Variants in SEC63 observed in about 807,000 individuals in gnomAD.
SEC63 encodes the protein SEC63 protein translocation regulator.
Under a neutral mutation model 116.2 loss-of-function variants are expected in SEC63, and 56 were observed. The ratio of observed to expected loss-of-function variants is 0.48; its 90% CI spans 0.39 to 0.60. The LOEUF is 0.60. SEC63 is among the 20% of genes least tolerant of loss of function. The pLI is 0.00. For missense variants in SEC63, 668 were observed against 900.0 expected (o/e 0.74, Z 3.30); for synonymous variants, 273 against 294.6 (o/e 0.93, Z 0.75).
chr6:107,882,006 C>A (rs1231548040), intron 17 of SEC63, among the ~76,000 whole-genome samples: 9 of 152,172 alleles, frequency 5.9e-5, no homozygotes, highest in African/African-American at 2.2e-4. Context: ...TATGTCAATT[C>A]TTTCTCAAAG....
intron 2 of SEC63, among the ~76,000 whole-genome samples, chr6:107,925,560 T>C (rs1787656277): frequency 6.6e-6 from 1 of 152,160 alleles, no homozygotes; most frequent in South Asian, 2.1e-4. Flanking sequence ...CATTTGAAAA[T>C]AAACTAATTT....
intron 1 of SEC63, among the ~76,000 whole-genome samples, 187 bp from the exon 2 acceptor site, chr6:107,929,701 A>G (rs925791587): frequency 6.6e-6 from 1 of 152,218 alleles, no homozygotes; most frequent in Non-Finnish European, 1.5e-5. Flanking sequence ...TAGAACAAAC[A>G]ACCTATCTAG....
chr6:107,954,482 C>CAAAAAAAAAAAAAAAAAAAAACA (rs4028832), intron 1 of SEC63: 4 of 116,856 alleles, frequency 3.4e-5, no homozygotes, highest in Non-Finnish European at 6.6e-5. Context: ...AAAAAAAAAT[C>CAAAAAAAAAAAAAAAAAAAAACA]AAAAAAAAAA....
intron 2 of SEC63, among the ~76,000 whole-genome samples, chr6:107,928,674 T>C (rs1294420834): frequency 2.0e-5 from 3 of 152,208 alleles, no homozygotes; most frequent in African/African-American, 7.2e-5. Context: ...TGGATAAATG[T>C]AGGTAATTCA....
chr6:107,925,606 T>C (rs1787657884), intron 2 of SEC63, among the ~76,000 whole-genome samples: 1 of 152,170 alleles, frequency 6.6e-6, no homozygotes, highest in Non-Finnish European at 1.5e-5. Context: ...AGTAAAATTA[T>C]GTAAAAGATT....
chr6:107,890,260 G>C (rs552803911), intron 16 of SEC63, among the ~76,000 whole-genome samples: 1 of 152,172 alleles, frequency 6.6e-6, no homozygotes, highest in South Asian at 2.1e-4. Flanking sequence ...TCCTGTATTG[G>C]GTGCATATAT....
intron 7 of SEC63, among the ~76,000 whole-genome samples, chr6:107,910,851 CT>C (rs1787267810): frequency 6.6e-6 from 1 of 152,058 alleles, no homozygotes; most frequent in Non-Finnish European, 1.5e-5. Context: ...TCATTGCAAC[CT>C]CTGCCTCCTG....
chr6:107,911,350 A>AC lies in SEC63; in HGVS notation c.619dup (p.Val207GlyfsTer13). On this transcript the variant is annotated frameshift_variant, in exon 7 of 21. Transcript: ENST00000369002. LOFTEE classifies it high-confidence loss of function. ...ACTTAAAAAGCTAAAACTTACCACA[A>AC]CAACTGGAAGGATAACCATAAATGC... 6.2e-7 allele frequency: 1 copy of AC among 1,606,146 alleles called. No individual in the cohort carries two copies. The highest frequency in any genetic ancestry group is 8.5e-7 in the Non-Finnish European group (1 of 1,173,164).
chr6:107,933,937 G>T (rs1047139239), intron 1 of SEC63, among the ~76,000 whole-genome samples: 19 of 152,236 alleles, frequency 1.2e-4, no homozygotes, highest in African/African-American at 4.6e-4. Context: ...TGGCCGGGCT[G>T]GTCTCCAGCT....
At chr6:107,909,383 A>T (rs1357626208) in intron 7 of SEC63, among the ~76,000 whole-genome samples, 4 of 151,802 alleles carry the variant, frequency 2.6e-5, no homozygotes, top group Non-Finnish European at 5.9e-5. Flanking sequence ...TCTCAAAAAA[A>T]AAAAAAAAGC....
intron 8 of SEC63, among the ~76,000 whole-genome samples, chr6:107,907,511 G>T (rs1225185242): frequency 6.6e-6 from 1 of 152,182 alleles, no homozygotes; most frequent in East Asian, 1.9e-4. Context: ...GCACCCAGGA[G>T]GCAGACGTTG....
intron 2 of SEC63, among the ~76,000 whole-genome samples, chr6:107,928,538 C>T (rs1315012160): frequency 6.6e-6 from 1 of 150,666 alleles, no homozygotes; most frequent in Admixed American, 6.6e-5. Context: ...TAAAGTAAAA[C>T]CTTACAAAGA....
At chr6:107,918,835 G>A (rs182274565) in intron 4 of SEC63, among the ~76,000 whole-genome samples, 373 of 149,888 alleles carry the variant, frequency 2.5e-3, no homozygotes, top group Admixed American at 4.9e-3. Flanking sequence ...ATGCCATTAA[G>A]AACATTTGTG....
chr6:107,921,706 C>T, intron 4 of SEC63, 91 bp downstream of exon 4: 2 of 844,224 alleles, frequency 2.4e-6, no homozygotes, highest in South Asian at 2.7e-5. Flanking sequence ...CCTGCCTCAG[C>T]CTCCCAAAGT....
At chr6:107,946,212 G>A (rs1296038972) in intron 1 of SEC63, among the ~76,000 whole-genome samples, 1 of 151,138 alleles carries the variant, frequency 6.6e-6, no homozygotes, top group African/African-American at 2.4e-5. Context: ...TGGGATTACA[G>A]GCATAAGCCA....
intron 16 of SEC63, among the ~76,000 whole-genome samples, chr6:107,885,289 A>T (rs1341791870): frequency 6.6e-6 from 1 of 152,244 alleles, no homozygotes; most frequent in Non-Finnish European, 1.5e-5. Flanking sequence ...ATGTCTACAA[A>T]TGGTTAGAAT....
At position 107,943,847 on chromosome 6, in the gene SEC63, G is replaced by A. The variant is rs144492612; in HGVS notation, c.124+14039C>T. Among the ~76,000 whole-genome samples the A allele has an allele frequency of 3.0e-3, 452 of 152,330 alleles. 3 individuals are homozygous for A. Among genetic ancestry groups the A allele is most frequent in the African/African-American group, 0.01 (431 of 41,584 alleles). On this transcript the variant is annotated intron_variant, in intron 1 of 20. Transcript: ENST00000369002. ...CCACGAAGGACTTTACAGGATACTC[G>A]CTAAGACTTGAGCTTCTAGTCAGAT...
chr6:107,938,204 CATA>C (rs1185671622), intron 1 of SEC63, among the ~76,000 whole-genome samples: 2 of 151,386 alleles, frequency 1.3e-5, no homozygotes, highest in African/African-American at 4.8e-5. Context: ...ACTTCTCCCA[CATA>C]ATATTATCCT....
intron 19 of SEC63, among the ~76,000 whole-genome samples, chr6:107,876,331 AAAC>A (rs1052443456): frequency 1.3e-5 from 2 of 152,184 alleles, no homozygotes; most frequent in African/African-American, 4.8e-5. Context: ...AAAACTCCCA[AAAC>A]AAGCTGAGAA....
Sources: allele counts gnomAD v4.1 joint callset (sites outside exome capture counted in the v4.1 genomes callset), GRCh38; gene constraint gnomAD v4.1.1; transcripts MANE v1.5; gene names NCBI Gene and HGNC (gene_info 2026-07-23, HGNC 2026-07-21).